BBS12: variants seen among roughly 807,000 people sequenced by gnomAD.
BBS12 encodes Bardet-Biedl syndrome 12.
In BBS12, 5 loss-of-function variants were observed where a neutral mutation model predicts 5.6. The ratio of observed to expected loss-of-function variants is 0.89; its 90% CI spans 0.46 to 1.86. BBS12 has a LOEUF of 1.86. BBS12 is among the 40% of genes most tolerant of loss of function. The pLI, the probability that BBS12 is intolerant of heterozygous loss-of-function variation, is 0.01. For missense variants in BBS12, 748 were observed against 830.4 expected (o/e 0.90, Z 1.22); for synonymous variants, 308 against 306.8 (o/e 1.00, Z -0.04).
chr4:122,742,309 CTGTA>C lies in BBS12; in HGVS notation c.420_423del (p.Cys140TrpfsTer15), dbSNP rs1405082840. On this transcript the variant is annotated frameshift_variant, in exon 2 of 2. Coordinates refer to ENST00000314218, the MANE Select transcript of BBS12 (RefSeq NM_152618.3). LOFTEE classifies it low-confidence loss of function (END_TRUNC). ...ATGTACCTGTTCACAATATATTTGA[CTGTA>C]TGGACAGCACAAAAACATTTTCTCA... 6.2e-7 allele frequency: 1 copy of C among 1,614,012 alleles called. No homozygotes were observed. The highest frequency in any genetic ancestry group is 8.5e-7 in the Non-Finnish European group (1 of 1,180,002).
Position 122,743,465 on chromosome 4 carries a change from C to A in BBS12, c.1573C>A (p.Arg525Ser), listed in dbSNP as rs760420127. 8 of 1,614,158 alleles carry A rather than the reference C, an allele frequency of 5.0e-6. No individual in the cohort carries two copies. The South Asian group carries it at 8.8e-5, about 18-fold the overall frequency. Residue 525 changes from arginine (R) to serine (S), a missense_variant, in exon 2 of 2, where the codon CGT (arginine) becomes AGT (serine). By Grantham distance (110) the Arg-to-Ser change is moderately radical. Transcript: ENST00000314218. ...AGATAGGTTCTGGACATGTGCCTAT[C>A]GTTTGTATTATGCTCTAAAAGAGGA... Reference protein sequence around the residue: ...KEDRFWTCAYRLYYALKEEKV... With the variant: ...KEDRFWTCAYSLYYALKEEKV...
chr4:122,739,896 A>G (rs1413244122), intron 1 of BBS12, among the ~76,000 whole-genome samples: 1 of 152,258 alleles, frequency 6.6e-6, no homozygotes, highest in African/African-American at 2.4e-5. Context: ...AAATGTGAGC[A>G]TGCTTTCTCT....
chr4:122,727,606 T>C, the BBS12 span, among the ~76,000 whole-genome samples: 2 of 135,122 alleles, frequency 1.5e-5, no homozygotes, highest in Non-Finnish European at 3.1e-5. Flanking sequence ...CAGGCTGGAG[T>C]GCAATGATGC....
At chr4:122,734,370 G>A (rs1045620043) in intron 1 of BBS12, among the ~76,000 whole-genome samples, 21 of 151,926 alleles carry the variant, frequency 1.4e-4, no homozygotes, top group South Asian at 2.1e-4. Context: ...GGTTCTCGCC[G>A]TTCTTCTGCC....
chr4:122,722,606 C>G, the BBS12 span, among the ~76,000 whole-genome samples: 1 of 152,000 alleles, frequency 6.6e-6, no homozygotes, highest in Admixed American at 6.6e-5. Flanking sequence ...TGTAGAAGAC[C>G]TGTGTATCTT....
Position 122,742,550 on chromosome 4 carries a change from C to G in BBS12, c.658C>G (p.Leu220Val), listed in dbSNP as rs746512004. Residue 220 changes from leucine (L) to valine (V), a missense_variant, in exon 2 of 2, where the codon CTG becomes GTG. Leu to Val is a conservative substitution (Grantham distance 32, BLOSUM62 1). Coordinates refer to ENST00000314218, the MANE Select transcript of BBS12 (RefSeq NM_152618.3). ...CACATCACGAACTCTGAAAAACAGC[C>G]TGCTTGCAGATACCTGCTGCAGACA... ...NNTSRTLKNSLLADTCCRQSI... is the reference protein window; with the variant it reads ...NNTSRTLKNSVLADTCCRQSI... 1.9e-6 allele frequency: 3 copies of G among 1,614,078 alleles called. No individual in the cohort carries two copies. The highest frequency in any genetic ancestry group is 2.5e-6 in the Non-Finnish European group (3 of 1,180,040).
the BBS12 span, among the ~76,000 whole-genome samples, chr4:122,717,076 A>G: frequency 6.6e-6 from 1 of 152,160 alleles, no homozygotes; most frequent in Non-Finnish European, 1.5e-5. Flanking sequence ...CCCCTATTCC[A>G]GTGGGTAAGC....
the BBS12 span, among the ~76,000 whole-genome samples, chr4:122,710,195 A>G: frequency 6.6e-6 from 1 of 152,210 alleles, no homozygotes; most frequent in Non-Finnish European, 1.5e-5. Context: ...GGGACATTTT[A>G]GTGACTTCTT....
the BBS12 span, among the ~76,000 whole-genome samples, chr4:122,726,909 T>C: frequency 6.6e-6 from 1 of 152,050 alleles, no homozygotes; most frequent in Non-Finnish European, 1.5e-5. Context: ...GCTATGAGGA[T>C]GCAAAGGAAT....
intron 1 of BBS12, among the ~76,000 whole-genome samples, chr4:122,738,304 G>A (rs542403318): frequency 2.0e-4 from 31 of 152,006 alleles, no homozygotes; most frequent in South Asian, 6.2e-4. Context: ...TCCACCTCCC[G>A]GGTTCACGCT....
At position 122,744,149 on chromosome 4, in the gene BBS12, C is replaced by A; in HGVS notation, c.*124C>A. On this transcript the variant is annotated 3_prime_UTR_variant, in exon 2 of 2. Coordinates refer to ENST00000314218, the MANE Select transcript of BBS12 (RefSeq NM_152618.3). ...TTGCCAAGAAGAAAATAGTTGATGT[C>A]TGTCAATAACTGTGCATGGTCTGAG... 1.1e-6 allele frequency: 1 copy of A among 951,138 alleles called. No homozygotes were observed. The highest frequency in any genetic ancestry group is 1.6e-6 in the Non-Finnish European group (1 of 612,754). The allele number at this position is 951,138 out of a possible 1,614,324, so 58.9% of individuals were successfully genotyped here.
chr4:122,724,505 G>A, the BBS12 span, among the ~76,000 whole-genome samples: 1 of 152,160 alleles, frequency 6.6e-6, no homozygotes, highest in Non-Finnish European at 1.5e-5. Context: ...TGACATATAA[G>A]ATACAGTCTC....
chr4:122,735,171 G>C (rs1488378746), intron 1 of BBS12, among the ~76,000 whole-genome samples: 1 of 152,188 alleles, frequency 6.6e-6, no homozygotes, highest in East Asian at 1.9e-4. Flanking sequence ...CTACCCCAGG[G>C]CATTAGAGAA....
At chr4:122,711,342 A>G in the BBS12 span, among the ~76,000 whole-genome samples, 1 of 150,960 alleles carries the variant, frequency 6.6e-6, no homozygotes, top group African/African-American at 2.4e-5. Context: ...TTTAAGGAAA[A>G]CTAAACATCC....
chr4:122,707,605 C>G, the BBS12 span, among the ~76,000 whole-genome samples: 1 of 152,170 alleles, frequency 6.6e-6, no homozygotes, highest in Non-Finnish European at 1.5e-5. Flanking sequence ...AATGCATGCT[C>G]TTACACGTTG....
At chr4:122,714,936 A>G in the BBS12 span, among the ~76,000 whole-genome samples, 1 of 152,134 alleles carries the variant, frequency 6.6e-6, no homozygotes, top group Non-Finnish European at 1.5e-5. Flanking sequence ...CATGTTTTAC[A>G]TAGTTGAGGA....
chr4:122,730,756 C>A (rs1273186590), upstream of BBS12: 2 of 144,024 alleles, frequency 1.4e-5, no homozygotes, highest in Non-Finnish European at 3.1e-5. Flanking sequence ...GAATTATAAT[C>A]CTAAATTATC....
rs34296401 is a variant in BBS12 at position 122,742,954 on chromosome 4, G to C, written c.1062G>C (p.Val354=). ...TCAAGGAATTGCAGAATCAGCCTGT[G>C]CGAATAGTTCTCATTGAGGGTGACC... ...PVIKELQNQP[V]RIVLIEGDLT... is the part of the protein sequence containing the mutation. Residue 354 remains valine (V), a synonymous_variant, in exon 2 of 2, where the codon GTG becomes GTC. Coordinates refer to ENST00000314218, the MANE Select transcript of BBS12 (RefSeq NM_152618.3). 0.019 allele frequency: 30,675 copies of C among 1,614,124 alleles called. 473 individuals are homozygous for C. Among genetic ancestry groups the C allele is most frequent in the African/African-American group, 0.066 (4,968 of 75,024 alleles).
chr4:122,732,216 T>C (rs1415359759), upstream of BBS12: 1 of 152,176 alleles, frequency 6.6e-6, no homozygotes, highest in South Asian at 2.1e-4. Context: ...CACATATGGG[T>C]GAAAGATAAA....
Sources: allele counts gnomAD v4.1 joint callset (sites outside exome capture counted in the v4.1 genomes callset), GRCh38; gene constraint gnomAD v4.1.1; transcripts MANE v1.5; gene names NCBI Gene and HGNC (gene_info 2026-07-23, HGNC 2026-07-21).